CNTN4: variants seen among roughly 807,000 people sequenced by gnomAD.
The protein encoded by CNTN4 is contactin-4.
A neutral mutation model predicts 122.5 loss-of-function variants in CNTN4; 77 were observed. That is an observed-to-expected ratio of 0.63 (90% CI 0.52 to 0.76). CNTN4 has a LOEUF of 0.76. Among genes scored for constraint, CNTN4 ranks in the 30% least tolerant of loss-of-function variants. The probability of loss-of-function intolerance (pLI) is 0.00; values close to 1 mark genes in which losing one functional copy is unlikely to be tolerated. For synonymous variants in CNTN4, 512 were observed against 447.0 expected, an observed-to-expected ratio of 1.15 and a Z score of -1.83; for missense variants, 1,256 against 1,259.1, an observed-to-expected ratio of 1.00 and a Z score of 0.04.
intron 5 of CNTN4, among the ~76,000 whole-genome samples, chr3:2,739,886 C>T (rs2089357733): frequency 6.6e-6 from 1 of 152,164 alleles, no homozygotes; most frequent in African/African-American, 2.4e-5. Flanking sequence ...TTTTCTCTGT[C>T]TCAACTTCCT....
At chr3:2,169,468 G>T (rs141953717) in intron 2 of CNTN4, among the ~76,000 whole-genome samples, 2 of 151,830 alleles carry the variant, frequency 1.3e-5, no homozygotes, top group Non-Finnish European at 2.9e-5. Flanking sequence ...GTGCGGTGGC[G>T]CGATCTCGGC....
chr3:3,029,376 A>G (rs1159021653), intron 15 of CNTN4, among the ~76,000 whole-genome samples: 2 of 152,200 alleles, frequency 1.3e-5, no homozygotes, highest in African/African-American at 4.8e-5. Context: ...ATGAAGGTCA[A>G]TAAAGGTCTT....
chr3:2,955,589 A>G (rs2094791246), intron 13 of CNTN4, among the ~76,000 whole-genome samples: 2 of 152,216 alleles, frequency 1.3e-5, no homozygotes, highest in South Asian at 4.1e-4. Context: ...ATTGAGTCGT[A>G]TAATTATCCC....
chr3:2,963,153 C>G (rs1435771423), intron 13 of CNTN4, among the ~76,000 whole-genome samples: 1 of 152,144 alleles, frequency 6.6e-6, no homozygotes, highest in Non-Finnish European at 1.5e-5. Flanking sequence ...CTCACCGTTT[C>G]TCTAGTCTAT....
intron 4 of CNTN4, among the ~76,000 whole-genome samples, chr3:2,708,158 T>C (rs1296447252): frequency 6.6e-6 from 1 of 152,188 alleles, no homozygotes; most frequent in African/African-American, 2.4e-5. Context: ...TTTCAAAGTT[T>C]CAATGGGTTA....
At chr3:2,327,995 A>C (rs1575383907) in intron 2 of CNTN4, among the ~76,000 whole-genome samples, 1 of 152,230 alleles carries the variant, frequency 6.6e-6, no homozygotes, top group Admixed American at 6.5e-5. Context: ...ACCCAGAGGA[A>C]AGCAATATCA....
chr3:2,796,646 A>G (rs1021905788), intron 6 of CNTN4, among the ~76,000 whole-genome samples: 1 of 152,260 alleles, frequency 6.6e-6, no homozygotes, highest in Non-Finnish European at 1.5e-5. Flanking sequence ...AATACACATT[A>G]CCAGTTCACA....
chr3:2,100,382 A>T (rs2031819048), intron 1 of CNTN4, among the ~76,000 whole-genome samples, 176 bp from the exon 2 acceptor site: 1 of 152,190 alleles, frequency 6.6e-6, no homozygotes, highest in Non-Finnish European at 1.5e-5. Context: ...CCCACACAAG[A>T]TAATTTGGAA....
At chr3:2,855,995 T>C (rs911941256) in intron 7 of CNTN4, among the ~76,000 whole-genome samples, 2 of 152,228 alleles carry the variant, frequency 1.3e-5, no homozygotes, top group Non-Finnish European at 2.9e-5. Flanking sequence ...TTACCATTAA[T>C]GGTCTGATGA....
At chr3:2,295,741 A>G (rs1005561208) in intron 2 of CNTN4, among the ~76,000 whole-genome samples, 1 of 152,110 alleles carries the variant, frequency 6.6e-6, no homozygotes, top group Non-Finnish European at 1.5e-5. Flanking sequence ...TTTAGACATG[A>G]AGTCCTTGCC....
intron 3 of CNTN4, among the ~76,000 whole-genome samples, chr3:2,540,517 A>T (rs1319167221): frequency 6.6e-6 from 1 of 152,094 alleles, no homozygotes. Context: ...CCAGTACTGG[A>T]TGCCATAAGA....
intron 2 of CNTN4, among the ~76,000 whole-genome samples, chr3:2,134,718 A>G (rs1210213416): frequency 1.3e-5 from 2 of 152,192 alleles, no homozygotes; most frequent in Non-Finnish European, 2.9e-5. Context: ...GAACACCCTC[A>G]GTGCAAGGGG....
At chr3:2,379,455 T>G (rs969656228) in intron 3 of CNTN4, among the ~76,000 whole-genome samples, 12 of 152,266 alleles carry the variant, frequency 7.9e-5, no homozygotes, top group African/African-American at 2.6e-4. Flanking sequence ...TTAATTGAGG[T>G]GGTTGACCTC....
intron 3 of CNTN4, among the ~76,000 whole-genome samples, chr3:2,541,393 T>A (rs2078026055): frequency 6.6e-6 from 1 of 152,136 alleles, no homozygotes; most frequent in South Asian, 2.1e-4. Flanking sequence ...AGTGTACTAT[T>A]ATGCACCTTA....
intron 2 of CNTN4, among the ~76,000 whole-genome samples, chr3:2,136,381 T>C (rs138815609): frequency 1.3e-5 from 2 of 152,300 alleles, no homozygotes; most frequent in Non-Finnish European, 2.9e-5. Flanking sequence ...CTGAACAAAT[T>C]ACTAAAAGAT....
chr3:2,488,946 A>ATT (rs2076238348), intron 3 of CNTN4, among the ~76,000 whole-genome samples: 1 of 152,222 alleles, frequency 6.6e-6, no homozygotes, highest in Non-Finnish European at 1.5e-5. Flanking sequence ...GATAAAAAGG[A>ATT]ATGATAAATA....
At chr3:2,115,180 C>G (rs1158839009) in intron 2 of CNTN4, among the ~76,000 whole-genome samples, 2 of 152,166 alleles carry the variant, frequency 1.3e-5, no homozygotes, top group Non-Finnish European at 2.9e-5. Flanking sequence ...AGACCCTCTC[C>G]TCATACGTAG....
At chr3:2,425,389 G>C (rs1433466583) in intron 3 of CNTN4, among the ~76,000 whole-genome samples, 1 of 152,054 alleles carries the variant, frequency 6.6e-6, no homozygotes, top group East Asian at 1.9e-4. Flanking sequence ...GTAGATGTGT[G>C]GTGTTATTTC....
chr3:2,855,013 T>A (rs2093603318), intron 7 of CNTN4, among the ~76,000 whole-genome samples: 1 of 152,228 alleles, frequency 6.6e-6, no homozygotes, highest in Admixed American at 6.5e-5. Flanking sequence ...CGAAATATAT[T>A]TAAGTGCTGA....
Sources: allele counts gnomAD v4.1 joint callset (sites outside exome capture counted in the v4.1 genomes callset), GRCh38; gene constraint gnomAD v4.1.1; transcripts MANE v1.5; gene names NCBI Gene and HGNC (gene_info 2026-07-23, HGNC 2026-07-21).